The following NAMPT variants were observed in gnomAD, a reference collection of about 807,000 sequenced individuals.
The protein encoded by NAMPT is nicotinamide phosphoribosyltransferase.
Under a neutral mutation model 58.7 loss-of-function variants are expected in NAMPT, and 7 were observed. That is an observed-to-expected ratio of 0.12 (90% CI 0.07 to 0.22). The LOEUF (loss-of-function observed/expected upper bound fraction) is 0.22, where lower values mean the gene tolerates loss of function less well. Among genes scored for constraint, NAMPT ranks in the 10% least tolerant of loss-of-function variants. NAMPT has a pLI of 1.00. For missense variants in NAMPT, 271 were observed against 567.9 expected (o/e 0.48, Z 5.31); for synonymous variants, 145 against 198.1 (o/e 0.73, Z 2.25).
At chr7:106,252,470 T>C (rs1792120660) in intron 10 of NAMPT, among the ~76,000 whole-genome samples, 2 of 149,876 alleles carry the variant, frequency 1.3e-5, no homozygotes, top group Non-Finnish European at 3.0e-5. Flanking sequence ...TTTAGTGTAC[T>C]TTTTTCTAAT....
chr7:106,285,535 ACTCAC>A (rs1792863415), upstream of NAMPT: 1 of 985,774 alleles, frequency 1.0e-6, no homozygotes, highest in African/African-American at 1.7e-5. Context: ...ACGCGCAGTT[ACTCAC>A]CTTTGTCTCC....
At chr7:106,267,997 G>A (rs908106076) in intron 6 of NAMPT, among the ~76,000 whole-genome samples, 1 of 151,462 alleles carries the variant, frequency 6.6e-6, no homozygotes, top group Non-Finnish European at 1.5e-5. Flanking sequence ...AGCGTAAAAA[G>A]AATCTGAACA....
intron 1 of NAMPT, among the ~76,000 whole-genome samples, chr7:106,280,643 A>T (rs1792743383): frequency 6.6e-6 from 1 of 152,108 alleles, no homozygotes. Flanking sequence ...ACATCAATAC[A>T]TATGTGGTAA....
At position 106,283,763 on chromosome 7, in the gene NAMPT, T is replaced by C. The variant is rs543459261; in HGVS notation, c.57+1065A>G. ...TATCATAAACAGCATTTTAAGCTGA[T>C]TGGAAAAAAACAGACAAAACTTAAG... On this transcript the variant is annotated intron_variant, in intron 1 of 10. Coordinates refer to ENST00000222553, the MANE Select transcript of NAMPT (RefSeq NM_005746.3). Among the ~76,000 whole-genome samples, 20 of 152,160 alleles carry C rather than the reference T, an allele frequency of 1.3e-4. No individual in the cohort carries two copies. The South Asian group carries it at 4.2e-3, about 32-fold the overall frequency.
upstream of NAMPT, chr7:106,285,277 G>A (rs1792855400): frequency 2.6e-6 from 2 of 768,024 alleles, no homozygotes; most frequent in African/African-American, 1.9e-5. Flanking sequence ...TGGGAAGCTG[G>A]AGGCAGCGGG....
Position 106,250,136 on chromosome 7 carries a change from T to C in NAMPT, c.*947A>G, listed in dbSNP as rs1044053039. On this transcript the variant is annotated 3_prime_UTR_variant, in exon 11 of 11. Transcript: ENST00000222553. Reference sequence around the variant, plus strand: ...GTACACTCACTACCCACTCCAGTAATTCATTTAAGTCATACCAACTATAGA... The same window carrying C: ...GTACACTCACTACCCACTCCAGTAACTCATTTAAGTCATACCAACTATAGA... 1.2e-4 allele frequency: 18 copies of C among 152,458 alleles called. No individual in the cohort carries two copies. Among genetic ancestry groups the C allele is most frequent in the African/African-American group, 4.3e-4 (18 of 41,426 alleles). The allele number at this position is 152,458 out of a possible 1,614,324, so 9.4% of individuals were successfully genotyped here.
chr7:106,279,260 T>TTAAGGTTCTCC (rs1491106004), intron 1 of NAMPT, among the ~76,000 whole-genome samples: 12 of 152,344 alleles, frequency 7.9e-5, no homozygotes, highest in African/African-American at 2.6e-4. Flanking sequence ...GTATGAACTC[T>TTAAGGTTCTCC]AAAAATCTTT....
chr7:106,274,563 T>C (rs1792598314), intron 3 of NAMPT, among the ~76,000 whole-genome samples: 1 of 152,138 alleles, frequency 6.6e-6, no homozygotes, highest in South Asian at 2.1e-4. Flanking sequence ...TAATCTCTTA[T>C]TCAAATTCTG....
chr7:106,270,317 T>TG (rs1792508718), intron 4 of NAMPT: 2 of 416,378 alleles, frequency 4.8e-6, no homozygotes, highest in Non-Finnish European at 1.0e-5. Context: ...GCTGCTAAGA[T>TG]GATGCAATGT....
At chr7:106,253,192 A>G in intron 9 of NAMPT, 41 bp from the exon 10 acceptor site, 1 of 1,596,880 alleles carries the variant, frequency 6.3e-7, no homozygotes, top group Non-Finnish European at 8.5e-7. Context: ...TAGAAGACTA[A>G]TCATCAGAAA....
chr7:106,271,595 CT>C (rs1474906979), intron 4 of NAMPT, among the ~76,000 whole-genome samples: 3 of 151,678 alleles, frequency 2.0e-5, no homozygotes, highest in African/African-American at 7.3e-5. Context: ...TTAACTGTAC[CT>C]TTTTTTTGAG....
Position 106,250,213 on chromosome 7 carries a change from C to T in NAMPT, c.*870G>A, listed in dbSNP as rs1452739907. On this transcript the variant is annotated 3_prime_UTR_variant, in exon 11 of 11. Coordinates refer to ENST00000222553, the MANE Select transcript of NAMPT (RefSeq NM_005746.3). ...ATTACTTTAAAATACACTACTTCCA[C>T]TTTTGTAAGTATTTTACATTTATGT... 2 of 152,244 alleles carry T rather than the reference C, an allele frequency of 1.3e-5. No homozygotes were observed. Among genetic ancestry groups the T allele is most frequent in the East Asian group, 3.9e-4 (2 of 5,186 alleles). 9.4% of individuals were successfully genotyped at this position (152,244 alleles called of 1,614,324 possible). A position where few individuals can be genotyped will look rare whatever the true frequency, so the allele number is the denominator to read the frequency against.
chr7:106,260,652 G>A (rs1054947625), intron 8 of NAMPT, among the ~76,000 whole-genome samples: 73 of 152,244 alleles, frequency 4.8e-4, no homozygotes, highest in African/African-American at 1.7e-3. Context: ...ACTTAATCAT[G>A]TCTAGGTTTT....
intron 8 of NAMPT, 132 bp downstream of exon 8, chr7:106,261,456 T>C (rs1792299085): frequency 2.8e-6 from 2 of 714,576 alleles, no homozygotes; most frequent in African/African-American, 1.8e-5. Flanking sequence ...CTTTAAGCAA[T>C]GCACAGAGAT....
intron 6 of NAMPT, among the ~76,000 whole-genome samples, 184 bp from the exon 7 acceptor site, chr7:106,263,801 C>A (rs539240999): frequency 6.6e-6 from 1 of 152,026 alleles, no homozygotes; most frequent in African/African-American, 2.4e-5. Flanking sequence ...ATACCTTACC[C>A]AATTAGTTTT....
rs534543466 is a variant in NAMPT, at chr7:106,252,151, CTT to C, written c.1365+864_1365+865del. 2.6e-3 allele frequency among the ~76,000 whole-genome samples: 394 copies of C among 152,148 alleles called. 2 individuals are homozygous for C. The highest frequency in any genetic ancestry group is 9.1e-3 in the African/African-American group (380 of 41,536). Reference sequence around the variant, plus strand: ...CATTCACATACTCTTAAATCAGTGTCTTTTAAAAATCACACTTAGATTTTTAC... The same window carrying C: ...CATTCACATACTCTTAAATCAGTGTCTTAAAAATCACACTTAGATTTTTAC... On this transcript the variant is annotated intron_variant, in intron 10 of 10. Transcript: ENST00000222553.
intron 8 of NAMPT, 66 bp from the exon 9 acceptor site, chr7:106,254,570 C>T: frequency 1.3e-6 from 2 of 1,523,090 alleles, no homozygotes; most frequent in Non-Finnish European, 1.8e-6. Context: ...AGATTATTTT[C>T]AAGGGACAAT....
intron 1 of NAMPT, among the ~76,000 whole-genome samples, chr7:106,278,411 C>T (rs1029981): frequency 0.015 from 2,232 of 152,120 alleles, 52 homozygotes; most frequent in African/African-American, 0.051. Context: ...TTAAGTCAAG[C>T]AGGAGACTTG....
At chr7:106,278,129 T>C (rs1353904662) in intron 1 of NAMPT, among the ~76,000 whole-genome samples, 1 of 152,122 alleles carries the variant, frequency 6.6e-6, no homozygotes, top group Admixed American at 6.5e-5. Context: ...ATAAATCATT[T>C]TTCCTGTTTA....
Sources: gnomAD v4.1 joint callset for allele counts (sites outside exome capture counted in the v4.1 genomes callset) on GRCh38, gnomAD v4.1.1 for gene constraint, MANE v1.5 for transcripts, NCBI Gene and HGNC (gene_info 2026-07-23, HGNC 2026-07-21) for gene names.